Variants in PTPRA observed in about 807,000 individuals in gnomAD.
PTPRA encodes the protein receptor-type tyrosine-protein phosphatase alpha.
Under a neutral mutation model 104.8 loss-of-function variants are expected in PTPRA, and 25 were observed. The observed-to-expected ratio is 0.24, with a 90% confidence interval of 0.17 to 0.33. The LOEUF is 0.33. Among genes scored for constraint, PTPRA ranks in the 10% least tolerant of loss-of-function variants. PTPRA has a pLI of 1.00. For missense variants in PTPRA, 765 were observed against 1,015.3 expected, an observed-to-expected ratio of 0.75 and a Z score of 3.35; for synonymous variants, 323 against 368.9, an observed-to-expected ratio of 0.88 and a Z score of 1.43.
rs536837124 is a variant in PTPRA, at chr20:2,974,155, T to C, written c.416-1060T>C. On this transcript the variant is annotated intron_variant, in intron 5 of 23. Coordinates refer to ENST00000399903, the MANE Select transcript of PTPRA (RefSeq NM_001385305.1). ...ATTTTTATTAGAGACAGGGTTTCAC[T>C]GTGTTACCCAGGATGGTCTCATTCT... Among the ~76,000 whole-genome samples, 3 of 151,648 alleles carry C rather than the reference T, an allele frequency of 2.0e-5. No individual in the cohort carries two copies. In the East Asian group the frequency reaches 5.9e-4, roughly 30 times the overall value.
At chr20:2,896,238 G>T (rs1456868020) in intron 1 of PTPRA, among the ~76,000 whole-genome samples, 1 of 152,086 alleles carries the variant, frequency 6.6e-6, no homozygotes, top group African/African-American at 2.4e-5. Context: ...ATTTAGCCGG[G>T]CATGGTGGTG....
At chr20:2,941,780 A>G (rs1029540411) in intron 2 of PTPRA, among the ~76,000 whole-genome samples, 1 of 152,102 alleles carries the variant, frequency 6.6e-6, no homozygotes, top group Non-Finnish European at 1.5e-5. Flanking sequence ...ACGGACTGGC[A>G]TGGAGTTCCC....
intron 11 of PTPRA, among the ~76,000 whole-genome samples, chr20:3,010,544 C>T (rs908685737): frequency 6.6e-6 from 1 of 152,062 alleles, no homozygotes; most frequent in East Asian, 1.9e-4. Flanking sequence ...AGGAGAACGG[C>T]GTGAACCTGG....
chr20:2,964,182 C>T (rs1173826002), intron 3 of PTPRA, 90 bp from the exon 4 acceptor site: 13 of 1,087,196 alleles, frequency 1.2e-5, no homozygotes, highest in African/African-American at 3.2e-5. Context: ...ATTTTAATAG[C>T]TTGGAAATCC....
chr20:2,898,845 G>A (rs530157828), intron 1 of PTPRA, among the ~76,000 whole-genome samples: 9 of 152,016 alleles, frequency 5.9e-5, no homozygotes, highest in East Asian at 5.8e-4. Flanking sequence ...ATGACAGGGC[G>A]AGACTCCGTC....
At position 2,965,214 on chromosome 20, in the gene PTPRA, G is replaced by A; in HGVS notation, c.415+12G>A. ...TTTCCCTCCTTCAGGTACTAGAGAT[G>A]ATTCTGTTTGTTCTTTTGCTCTTTG... On this transcript the variant is annotated intron_variant, in intron 5 of 23. Coordinates refer to ENST00000399903, the MANE Select transcript of PTPRA (RefSeq NM_001385305.1). 5.1e-6 allele frequency: 8 copies of A among 1,574,832 alleles called. No homozygotes were observed. The highest frequency in any genetic ancestry group is 2.3e-5 in the East Asian group (1 of 44,426).
chr20:2,953,654 C>G (rs964825142), intron 3 of PTPRA, among the ~76,000 whole-genome samples: 1 of 151,072 alleles, frequency 6.6e-6, no homozygotes, highest in South Asian at 2.1e-4. Context: ...GTTGCCCTGG[C>G]TGGAGTGTAG....
rs576248879 is a variant in PTPRA, at chr20:3,017,331, A to G, written c.944-485A>G. Reference sequence around the variant, plus strand: ...ATTTATTTTCCTCTGTTTGCCTCTCATTTTTGTTTAGAATTTTCTAGTGAC... The same window carrying G: ...ATTTATTTTCCTCTGTTTGCCTCTCGTTTTTGTTTAGAATTTTCTAGTGAC... On this transcript the variant is annotated intron_variant, in intron 12 of 23. Transcript: ENST00000399903. Among the ~76,000 whole-genome samples the G allele has an allele frequency of 7.2e-5, 11 of 152,154 alleles. No individual in the cohort carries two copies. The South Asian group carries it at 2.1e-3, about 29-fold the overall frequency.
intron 1 of PTPRA, among the ~76,000 whole-genome samples, chr20:2,910,578 G>GTTTCTTTTTT (rs1337126801): frequency 2.2e-4 from 7 of 32,422 alleles, no homozygotes; most frequent in South Asian, 1.6e-3. Context: ...TGCCCAGCTA[G>GTTTCTTTTTT]TTTTTTTTTT....
At position 2,937,116 on chromosome 20, in the gene PTPRA, C is replaced by T. The variant is rs1009365295; in HGVS notation, c.-49-10866C>T. ...AGAAGGAATCTTTTAGTTCCTTCTA[C>T]CTTTCTTCTTCTTTTTTTTTTTTTT... On this transcript the variant is annotated intron_variant, in intron 2 of 23. Transcript: ENST00000399903. Among the ~76,000 whole-genome samples the T allele has an allele frequency of 2.0e-4, 28 of 138,702 alleles. No individual in the cohort carries two copies. In the Middle Eastern group the frequency reaches 0.014, roughly 71 times the overall value. 91.0% of individuals were successfully genotyped at this position (138,702 alleles called of 152,430 possible).
At chr20:2,956,504 G>A (rs1049092290) in intron 3 of PTPRA, among the ~76,000 whole-genome samples, 7 of 151,850 alleles carry the variant, frequency 4.6e-5, no homozygotes, top group Admixed American at 4.6e-4. Flanking sequence ...CTTGTTGCCA[G>A]GACCAGACAG....
chr20:2,903,012 G>A (rs954645022), intron 1 of PTPRA, among the ~76,000 whole-genome samples: 1 of 152,134 alleles, frequency 6.6e-6, no homozygotes, highest in Non-Finnish European at 1.5e-5. Flanking sequence ...CTGTGCCTCA[G>A]TTTCTTCATC....
intron 2 of PTPRA, among the ~76,000 whole-genome samples, chr20:2,933,385 T>C (rs1001853555): frequency 6.6e-6 from 1 of 152,158 alleles, no homozygotes; most frequent in African/African-American, 2.4e-5. Context: ...ACCTTTTGCC[T>C]GTAACATTTT....
intron 1 of PTPRA, among the ~76,000 whole-genome samples, chr20:2,900,493 G>A (rs2059190021): frequency 6.6e-6 from 1 of 152,112 alleles, no homozygotes; most frequent in Admixed American, 6.6e-5. Flanking sequence ...TTCCATTGCT[G>A]TGGTTTAATT....
At chr20:2,955,669 G>A (rs2061510089) in intron 3 of PTPRA, 2 of 985,370 alleles carry the variant, frequency 2.0e-6, no homozygotes, top group Non-Finnish European at 2.4e-6. Context: ...ACTCTTCAGA[G>A]TGCTGTTCCT....
chr20:3,038,263 C>T lies in PTPRA; in HGVS notation c.*130C>T. ...GAAATTGGTACATAGGCTTCTATTA[C>T]CTATTAGGTGGAAATTTTATATGTA... On this transcript the variant is annotated 3_prime_UTR_variant, in exon 24 of 24. Coordinates refer to ENST00000399903, the MANE Select transcript of PTPRA (RefSeq NM_001385305.1). 1 of 819,196 alleles carries T rather than the reference C, an allele frequency of 1.2e-6. No homozygotes were observed. The allele number at this position is 819,196 out of a possible 1,614,324, so 50.7% of individuals were successfully genotyped here.
chr20:3,000,679 CAA>C (rs1386199621), intron 9 of PTPRA, among the ~76,000 whole-genome samples: 1 of 152,114 alleles, frequency 6.6e-6, no homozygotes, highest in Non-Finnish European at 1.5e-5. Context: ...AACACCGTCT[CAA>C]ATGGAGCACT....
At chr20:2,919,568 G>A (rs997648238) in intron 1 of PTPRA, among the ~76,000 whole-genome samples, 2 of 152,096 alleles carry the variant, frequency 1.3e-5, no homozygotes, top group African/African-American at 4.8e-5. Context: ...TTTAGAGACG[G>A]GATCTTGCCC....
At position 2,953,403 on chromosome 20, in the gene PTPRA, G is replaced by A. The variant is rs377419598; in HGVS notation, c.-7+5379G>A. On this transcript the variant is annotated intron_variant, in intron 3 of 23. Transcript: ENST00000399903. ...CGAGTAGCTGGGACTACAGGCGCGC[G>A]TTACCACGCCTGGCTAATTTTTTGT... is the stretch of plus-strand genomic sequence containing the variant. 6.7e-4 allele frequency among the ~76,000 whole-genome samples: 102 copies of A among 151,818 alleles called. 3 individuals carry two copies. In the South Asian group the frequency reaches 0.02, roughly 29 times the overall value.
Sources: gnomAD v4.1 joint callset for allele counts (sites outside exome capture counted in the v4.1 genomes callset) on GRCh38, gnomAD v4.1.1 for gene constraint, MANE v1.5 for transcripts, NCBI Gene and HGNC (gene_info 2026-07-23, HGNC 2026-07-21) for gene names.